The following CTNNA2 variants were observed in gnomAD, a reference collection of about 807,000 sequenced individuals.
CTNNA2 encodes the protein catenin alpha-2.
Under a neutral mutation model 101.0 loss-of-function variants are expected in CTNNA2, and 42 were observed. The ratio of observed to expected loss-of-function variants is 0.42; its 90% CI spans 0.32 to 0.54. CTNNA2 has a LOEUF of 0.54. CTNNA2 is among the 20% of genes least tolerant of loss of function. CTNNA2 has a pLI of 0.14. For synonymous variants in CTNNA2, 450 were observed against 456.4 expected (o/e 0.99, Z 0.18); for missense variants, 871 against 1,223.1 (o/e 0.71, Z 4.29).
chr2:79,481,550 T>A lies in CTNNA2; in HGVS notation c.-134-23504T>A, dbSNP rs1464691038. Among the ~76,000 whole-genome samples the A allele has an allele frequency of 2.0e-5, 3 of 152,128 alleles. 1 individual carries two copies. The East Asian group carries it at 5.8e-4, about 29-fold the overall frequency. On this transcript the variant is annotated intron_variant, in intron 4 of 21. Transcript: ENST00000466387. ...ATTCTGTTAAGAGAGCGGATCTTAG[T>A]AAGTGTTCTTAACACACACGTACAA...
intron 1 of CTNNA2, among the ~76,000 whole-genome samples, chr2:79,541,327 CTATATATA>C (rs10541674): frequency 6.8e-6 from 1 of 146,134 alleles, no homozygotes; most frequent in Non-Finnish European, 1.5e-5. Flanking sequence ...CACAGATATC[CTATATATA>C]TATATATATA....
intron 4 of CTNNA2, among the ~76,000 whole-genome samples, chr2:79,447,469 G>T (rs2104524064): frequency 6.6e-6 from 1 of 152,122 alleles, no homozygotes; most frequent in Non-Finnish European, 1.5e-5. Context: ...AATACCTAAA[G>T]AAAATGGAAA....
At chr2:80,306,126 G>C (rs569888049) in intron 7 of CTNNA2, among the ~76,000 whole-genome samples, 1 of 152,094 alleles carries the variant, frequency 6.6e-6, no homozygotes, top group African/African-American at 2.4e-5. Context: ...ATGAACAGGG[G>C]CATGAATCAT....
intron 7 of CTNNA2, among the ~76,000 whole-genome samples, chr2:80,189,106 C>T (rs1706311946): frequency 6.6e-6 from 1 of 152,022 alleles, no homozygotes; most frequent in African/African-American, 2.4e-5. Flanking sequence ...GCACCTGCCA[C>T]CTCACCTGGC....
At chr2:80,246,377 T>C (rs1038134141) in intron 7 of CTNNA2, among the ~76,000 whole-genome samples, 6 of 152,232 alleles carry the variant, frequency 3.9e-5, no homozygotes, top group African/African-American at 1.4e-4. Context: ...ATTGTATTGA[T>C]TGGATTGTCT....
At position 79,634,985 on chromosome 2, in the gene CTNNA2, G is replaced by A. The variant is rs539311399; in HGVS notation, c.-5-16567G>A. Among the ~76,000 whole-genome samples the A allele has an allele frequency of 6.6e-5, 10 of 152,258 alleles. No homozygotes were observed. The East Asian group carries it at 1.7e-3, about 27-fold the overall frequency. ...CTATTCGATGGGACAGTGACATGAT[G>A]TCATTCATATTTGCGAAAACCATTA... On this transcript the variant is annotated intron_variant, in intron 1 of 18. Coordinates refer to ENST00000402739, the MANE Select transcript of CTNNA2 (RefSeq NM_001282597.3).
At chr2:79,239,862 G>T (rs1009859536) in intron 2 of CTNNA2, among the ~76,000 whole-genome samples, 2 of 151,854 alleles carry the variant, frequency 1.3e-5, no homozygotes, top group Non-Finnish European at 2.9e-5. Context: ...TGTTTAGGGC[G>T]AAAGAAAGAA....
chr2:80,516,619 G>T (rs1229779646), intron 9 of CTNNA2, among the ~76,000 whole-genome samples: 1 of 152,148 alleles, frequency 6.6e-6, no homozygotes, highest in African/African-American at 2.4e-5. Flanking sequence ...AACTTTTTTA[G>T]TGTTAAGCAA....
intron 2 of CTNNA2, among the ~76,000 whole-genome samples, chr2:79,744,073 G>A (rs1049622217): frequency 6.6e-6 from 1 of 152,148 alleles, no homozygotes; most frequent in African/African-American, 2.4e-5. Flanking sequence ...ACTCCAAGGA[G>A]CACTGTACCT....
chr2:80,352,108 G>A (rs778640988), intron 7 of CTNNA2, among the ~76,000 whole-genome samples: 1 of 152,062 alleles, frequency 6.6e-6, no homozygotes, highest in African/African-American at 2.4e-5. Context: ...TTGGAATCAA[G>A]GGTTATGTTT....
chr2:79,718,226 C>G (rs78421224), intron 2 of CTNNA2, among the ~76,000 whole-genome samples: 1 of 152,086 alleles, frequency 6.6e-6, no homozygotes, highest in Non-Finnish European at 1.5e-5. Flanking sequence ...TTAACAAGTA[C>G]GTTTATGAGA....
chr2:80,436,144 T>TA (rs1198479624), intron 9 of CTNNA2, among the ~76,000 whole-genome samples: 2 of 152,152 alleles, frequency 1.3e-5, no homozygotes, highest in African/African-American at 4.8e-5. Flanking sequence ...TCATCGACAT[T>TA]AGTGGCTTCG....
chr2:80,584,359 G>A (rs1359874811), intron 14 of CTNNA2, among the ~76,000 whole-genome samples: 1 of 145,200 alleles, frequency 6.9e-6, no homozygotes, highest in African/African-American at 2.5e-5. Flanking sequence ...TGGAATTAAA[G>A]TATTTCAAAA....
intron 9 of CTNNA2, among the ~76,000 whole-genome samples, chr2:80,519,580 A>G (rs1279798511): frequency 6.6e-6 from 1 of 152,230 alleles, no homozygotes; most frequent in Non-Finnish European, 1.5e-5. Flanking sequence ...CACAGCTCTG[A>G]GCAATAGAGA....
intron 7 of CTNNA2, among the ~76,000 whole-genome samples, chr2:80,016,289 T>C (rs1051411662): frequency 8.6e-5 from 13 of 152,040 alleles, no homozygotes; most frequent in African/African-American, 3.1e-4. Flanking sequence ...AGCTATGGAG[T>C]CTAGTTAGAG....
At chr2:79,405,981 A>C (rs983565386) in intron 4 of CTNNA2, among the ~76,000 whole-genome samples, 2 of 152,074 alleles carry the variant, frequency 1.3e-5, no homozygotes, top group Non-Finnish European at 2.9e-5. Flanking sequence ...AAGAGGAGGC[A>C]TACTCAACAG....
intron 2 of CTNNA2, among the ~76,000 whole-genome samples, chr2:79,238,082 A>G (rs1283886627): frequency 1.3e-5 from 2 of 152,176 alleles, no homozygotes; most frequent in Non-Finnish European, 2.9e-5. Flanking sequence ...TGCATTCCTC[A>G]CTATGCTTAA....
intron 1 of CTNNA2, among the ~76,000 whole-genome samples, chr2:79,573,100 G>A (rs1332819716): frequency 3.3e-5 from 5 of 151,984 alleles, no homozygotes; most frequent in Non-Finnish European, 7.4e-5. Flanking sequence ...CTTCATTAGC[G>A]TCAGACTGGA....
At chr2:80,186,386 T>C (rs1706128673) in intron 7 of CTNNA2, among the ~76,000 whole-genome samples, 1 of 152,208 alleles carries the variant, frequency 6.6e-6, no homozygotes, top group Non-Finnish European at 1.5e-5. Context: ...ACAGATATCA[T>C]GGCCTTGATA....
Sources: allele counts gnomAD v4.1 joint callset (sites outside exome capture counted in the v4.1 genomes callset), GRCh38; gene constraint gnomAD v4.1.1; transcripts MANE v1.5; gene names NCBI Gene and HGNC (gene_info 2026-07-23, HGNC 2026-07-21).